The following ASIC2 variants were observed in gnomAD, a reference collection of about 807,000 sequenced individuals.
The protein encoded by ASIC2 is acid sensing ion channel subunit 2, also known as acid-sensing ion channel 2.
In ASIC2, 25 loss-of-function variants were observed where a neutral mutation model predicts 57.3. That is an observed-to-expected ratio of 0.44 (90% CI 0.32 to 0.61). The LOEUF (loss-of-function observed/expected upper bound fraction) is 0.61. Ranked by LOEUF, ASIC2 falls within the 20% of genes least tolerant of loss-of-function variation. The pLI is 0.06. For synonymous variants in ASIC2, 319 were observed against 307.5 expected, an observed-to-expected ratio of 1.04 and a Z score of -0.39; for missense variants, 641 against 738.1, an observed-to-expected ratio of 0.87 and a Z score of 1.52.
intron 1 of ASIC2, among the ~76,000 whole-genome samples, chr17:33,213,595 A>G (rs112071712): frequency 4.3e-4 from 66 of 152,302 alleles, no homozygotes; most frequent in African/African-American, 1.5e-3. Context: ...TCCTGTTACC[A>G]TCGTCCTGCG....
At chr17:33,547,954 C>G (rs1277683928) in intron 1 of ASIC2, among the ~76,000 whole-genome samples, 1 of 152,230 alleles carries the variant, frequency 6.6e-6, no homozygotes, top group Non-Finnish European at 1.5e-5. Flanking sequence ...CAGATGGCAG[C>G]TGATACAGCC....
At chr17:33,457,670 G>A (rs1214754898) in intron 1 of ASIC2, among the ~76,000 whole-genome samples, 1 of 152,186 alleles carries the variant, frequency 6.6e-6, no homozygotes, top group Non-Finnish European at 1.5e-5. Flanking sequence ...CAATGGTGGT[G>A]GTGGTGACGT....
chr17:33,709,735 T>C (rs7209708), intron 1 of ASIC2, among the ~76,000 whole-genome samples: 4,746 of 152,292 alleles, frequency 0.031, 227 homozygotes, highest in African/African-American at 0.11. Flanking sequence ...AGCTTTTGCA[T>C]TGGGGGAAAT....
chr17:33,028,093 T>C, intron 4 of ASIC2, 149 bp downstream of exon 4: 1 of 1,160,486 alleles, frequency 8.6e-7, no homozygotes, highest in Non-Finnish European at 1.2e-6. Context: ...CCTGCCCTCT[T>C]AATAGGCACC....
chr17:33,903,202 C>A (rs1016491589), intron 1 of ASIC2, among the ~76,000 whole-genome samples: 7 of 152,162 alleles, frequency 4.6e-5, no homozygotes, highest in Non-Finnish European at 1.0e-4. Flanking sequence ...CTTTGACCTT[C>A]TTTTTCTCAG....
chr17:33,170,156 T>G (rs1048276518), intron 1 of ASIC2, among the ~76,000 whole-genome samples: 2 of 152,246 alleles, frequency 1.3e-5, no homozygotes, highest in African/African-American at 4.8e-5. Context: ...TGGTAAATTT[T>G]TCTCAAGTTT....
chr17:33,661,158 C>G (rs1907250945), intron 1 of ASIC2, among the ~76,000 whole-genome samples: 1 of 152,192 alleles, frequency 6.6e-6, no homozygotes, highest in Admixed American at 6.5e-5. Flanking sequence ...TCCTTTGCCC[C>G]CTCTCTTGGC....
Position 33,291,963 on chromosome 17 carries a change from T to C in ASIC2, c.153A>G (p.Pro51=). The part of the protein sequence containing the change: ...GRGGERALQG[P]GVARRGRPSL... ...ATGGCCGCCCCCTGCGGGCGACCCC[T>C]GGCCCCTGCAGCGCCCGCTCGCCGC... The change falls in exon 1 of 10, where the codon CCA becomes CCG. Residue 51 remains proline (P), a synonymous_variant. Transcript: ENST00000225823. The C allele has an allele frequency of 7.0e-7, 1 of 1,431,504 alleles. No homozygotes were observed. Among genetic ancestry groups the C allele is most frequent in the Non-Finnish European group, 9.1e-7 (1 of 1,103,784 alleles). The allele number at this position is 1,431,504 out of a possible 1,614,324, so 88.7% of individuals were successfully genotyped here.
chr17:33,418,448 C>G (rs1910935134), intron 1 of ASIC2, among the ~76,000 whole-genome samples: 1 of 152,120 alleles, frequency 6.6e-6, no homozygotes, highest in Non-Finnish European at 1.5e-5. Flanking sequence ...TTGCCCATGC[C>G]TATGTGCTGA....
chr17:33,399,415 TCCCAGTGATTACATC>T (rs1331116124), intron 1 of ASIC2, among the ~76,000 whole-genome samples: 1 of 152,070 alleles, frequency 6.6e-6, no homozygotes, highest in Non-Finnish European at 1.5e-5. Flanking sequence ...TCCTTGCAAT[TCCCAGTGATTACATC>T]CCCCTTCCCC....
At chr17:34,090,998 C>G (rs1394340950) in intron 1 of ASIC2, among the ~76,000 whole-genome samples, 1 of 152,244 alleles carries the variant, frequency 6.6e-6, no homozygotes, top group Non-Finnish European at 1.5e-5. Context: ...GTTGCTCCAT[C>G]AGCCTACCTG....
At chr17:33,704,064 C>T (rs1374109573) in intron 1 of ASIC2, among the ~76,000 whole-genome samples, 1 of 152,176 alleles carries the variant, frequency 6.6e-6, no homozygotes, top group East Asian at 1.9e-4. Flanking sequence ...CTCCTTAAAT[C>T]ATAGAGAAAC....
intron 1 of ASIC2, among the ~76,000 whole-genome samples, chr17:33,126,972 A>C (rs1424474340): frequency 1.5e-5 from 2 of 137,854 alleles, no homozygotes; most frequent in African/African-American, 5.5e-5. Flanking sequence ...GGTTCACGCC[A>C]TTCTCCTGCC....
chr17:33,083,682 C>T (rs1368475014), intron 3 of ASIC2, among the ~76,000 whole-genome samples: 1 of 152,114 alleles, frequency 6.6e-6, no homozygotes, highest in Admixed American at 6.5e-5. Flanking sequence ...AGGCTGCCAT[C>T]AAAGAACATG....
At chr17:33,369,514 A>G (rs1597702304) in intron 1 of ASIC2, among the ~76,000 whole-genome samples, 2 of 152,224 alleles carry the variant, frequency 1.3e-5, no homozygotes, top group Non-Finnish European at 2.9e-5. Flanking sequence ...GACTGCCATG[A>G]GGATAACATA....
intron 1 of ASIC2, among the ~76,000 whole-genome samples, chr17:33,755,105 A>G (rs1910556199): frequency 6.6e-6 from 1 of 152,196 alleles, no homozygotes; most frequent in African/African-American, 2.4e-5. Flanking sequence ...GGTCAAGGTC[A>G]TCAAAAGTGT....
At chr17:33,883,642 C>T (rs998703140) in intron 1 of ASIC2, among the ~76,000 whole-genome samples, 16 of 152,250 alleles carry the variant, frequency 1.1e-4, no homozygotes, top group Middle Eastern at 3.4e-3. Context: ...TGCCTGCTGG[C>T]CATCTCCTCA....
At chr17:33,862,948 T>C (rs1342274892) in intron 1 of ASIC2, among the ~76,000 whole-genome samples, 1 of 152,100 alleles carries the variant, frequency 6.6e-6, no homozygotes, top group Non-Finnish European at 1.5e-5. Context: ...GGAGGGAGGC[T>C]ATCTCAGATG....
At chr17:33,681,303 T>C (rs1238634412) in intron 1 of ASIC2, among the ~76,000 whole-genome samples, 4 of 152,196 alleles carry the variant, frequency 2.6e-5, no homozygotes, top group Non-Finnish European at 5.9e-5. Context: ...GGATAATTCT[T>C]TGTTGTGGGG....
Sources: gnomAD v4.1 joint callset for allele counts (sites outside exome capture counted in the v4.1 genomes callset) on GRCh38, gnomAD v4.1.1 for gene constraint, MANE v1.5 for transcripts, NCBI Gene and HGNC (gene_info 2026-07-23, HGNC 2026-07-21) for gene names.